TUSC3: variants seen among roughly 807,000 people sequenced by gnomAD.
TUSC3 encodes the protein dolichyl-diphosphooligosaccharide--protein glycosyltransferase subunit TUSC3.
TUSC3 carries 45 observed loss-of-function variants against 44.8 expected under a neutral mutation model. That is an observed-to-expected ratio of 1.00 (90% confidence interval 0.79 to 1.29). TUSC3 has a LOEUF of 1.29. Among genes scored for constraint, TUSC3 ranks in the 50% most tolerant of loss-of-function variants. The probability of loss-of-function intolerance (pLI) is 0.00; values close to 1 mark genes in which losing one functional copy is unlikely to be tolerated. For synonymous variants in TUSC3, 212 were observed against 152.9 expected, an observed-to-expected ratio of 1.39 and a Z score of -2.85; for missense variants, 519 against 437.9, an observed-to-expected ratio of 1.19 and a Z score of -1.65.
At chr8:15,443,183 T>C (rs1800042871) in intron 1 of TUSC3, among the ~76,000 whole-genome samples, 1 of 152,042 alleles carries the variant, frequency 6.6e-6, no homozygotes, top group Admixed American at 6.6e-5. Context: ...TTTCTTTTTT[T>C]TAGAAGGCAT....
chr8:15,835,030 A>G, the TUSC3 span, among the ~76,000 whole-genome samples: 1 of 152,276 alleles, frequency 6.6e-6, no homozygotes, highest in Admixed American at 6.5e-5. Context: ...GCTGGACTTT[A>G]TGTCTCATTT....
intron 7 of TUSC3, among the ~76,000 whole-genome samples, chr8:15,742,747 C>A (rs1451854421): frequency 1.3e-5 from 2 of 152,334 alleles, no homozygotes; most frequent in Admixed American, 6.5e-5. Flanking sequence ...GTCCATTAAT[C>A]GCTTGGGCGA....
intron 6 of TUSC3, among the ~76,000 whole-genome samples, chr8:15,714,019 G>C (rs539595909): frequency 6.6e-6 from 1 of 152,086 alleles, no homozygotes; most frequent in South Asian, 2.1e-4. Flanking sequence ...GTGAAAGTGC[G>C]CCTTGAAGGA....
chr8:15,835,632 A>G, the TUSC3 span, among the ~76,000 whole-genome samples: 1 of 152,148 alleles, frequency 6.6e-6, no homozygotes, highest in Non-Finnish European at 1.5e-5. Flanking sequence ...GTTTTAAATA[A>G]TTATAATTTA....
the TUSC3 span, among the ~76,000 whole-genome samples, chr8:15,789,944 G>A: frequency 6.6e-6 from 1 of 152,136 alleles, no homozygotes; most frequent in Non-Finnish European, 1.5e-5. Context: ...GTGAGCTGGT[G>A]GTGGTAGACA....
rs1325636987 is a variant in TUSC3 at position 15,578,435 on chromosome 8, G to T, written c.138+37867G>T. Among the ~76,000 whole-genome samples the T allele has an allele frequency of 1.7e-5, 2 of 118,414 alleles. 1 individual carries two copies. The highest frequency in any genetic ancestry group is 6.6e-4 in the South Asian group (2 of 3,020). The allele number at this position is 118,414 out of a possible 152,430, so 77.7% of individuals were successfully genotyped here. On this transcript the variant is annotated intron_variant, in intron 1 of 10. Transcript: ENST00000503731. ...CTTCCAGTTTTTGCCCATTCAGTAT[G>T]ATATTGGCTGTGGGTTTGTCATAGA...
intron 4 of TUSC3, among the ~76,000 whole-genome samples, chr8:15,660,981 A>G (rs931821821): frequency 5.3e-5 from 8 of 151,504 alleles, no homozygotes; most frequent in Non-Finnish European, 1.0e-4. Context: ...AACAGTACAA[A>G]TAATGCCAAT....
chr8:15,743,657 A>C lies in TUSC3; in HGVS notation c.937+45A>C, dbSNP rs1252978299. Reference sequence around the variant, plus strand: ...TTTTTGTAATTTCGTTTTAGTCTTAAGATTCATTTAAGTCAAATGGGAAAT... The same window carrying C: ...TTTTTGTAATTTCGTTTTAGTCTTACGATTCATTTAAGTCAAATGGGAAAT... On this transcript the variant is annotated intron_variant, in intron 8 of 10. Coordinates refer to ENST00000503731, the MANE Select transcript of TUSC3 (RefSeq NM_006765.4). The C allele has an allele frequency of 1.9e-6, 3 of 1,595,238 alleles. No homozygotes were observed. In the South Asian group the frequency reaches 3.3e-5, roughly 18 times the overall value.
At chr8:15,725,972 TA>T (rs1338805455) in intron 6 of TUSC3, among the ~76,000 whole-genome samples, 1 of 152,196 alleles carries the variant, frequency 6.6e-6, no homozygotes, top group East Asian at 1.9e-4. Flanking sequence ...AACTGACTTC[TA>T]AGTTTAGTTT....
At chr8:15,500,156 C>G (rs1229853916) in intron 2 of TUSC3, among the ~76,000 whole-genome samples, 1 of 152,180 alleles carries the variant, frequency 6.6e-6, no homozygotes, top group African/African-American at 2.4e-5. Context: ...GCAAAAGCAG[C>G]TAGAGTCTTT....
At chr8:15,573,403 G>C (rs1206021692) in intron 1 of TUSC3, among the ~76,000 whole-genome samples, 2 of 151,628 alleles carry the variant, frequency 1.3e-5, no homozygotes, top group Middle Eastern at 3.2e-3. Flanking sequence ...ACACAATAGC[G>C]TGGCGGTGGG....
intron 2 of TUSC3, among the ~76,000 whole-genome samples, chr8:15,512,947 T>TATATATATATATATAATC (rs1801162509): frequency 7.0e-6 from 1 of 143,194 alleles, no homozygotes; most frequent in African/African-American, 2.6e-5. Context: ...TATATATATA[T>TATATATATATATATAATC]ATATATATAT....
chr8:15,790,478 C>A, the TUSC3 span, among the ~76,000 whole-genome samples: 4 of 151,992 alleles, frequency 2.6e-5, no homozygotes, highest in South Asian at 8.3e-4. Context: ...CCACCATGCC[C>A]GGCCTCACCA....
At chr8:15,505,293 CA>C (rs1486820021) in intron 2 of TUSC3, among the ~76,000 whole-genome samples, 1 of 152,074 alleles carries the variant, frequency 6.6e-6, no homozygotes, top group Admixed American at 6.5e-5. Context: ...TGTCAATTGT[CA>C]AAAAGAAAAA....
chr8:15,833,718 A>G, the TUSC3 span, among the ~76,000 whole-genome samples: 1 of 152,140 alleles, frequency 6.6e-6, no homozygotes, highest in Non-Finnish European at 1.5e-5. Flanking sequence ...AGAAATGACC[A>G]CAGAAAATAA....
chr8:15,651,073 A>G (rs1431580959), intron 3 of TUSC3: 2 of 410,234 alleles, frequency 4.9e-6, no homozygotes, highest in Non-Finnish European at 8.9e-6. Flanking sequence ...GTTATAATAC[A>G]TTTTGTGATG....
intron 2 of TUSC3, among the ~76,000 whole-genome samples, chr8:15,499,407 A>C (rs867577786): frequency 2.0e-5 from 3 of 152,208 alleles, no homozygotes; most frequent in Non-Finnish European, 2.9e-5. Context: ...AGAAAATTCT[A>C]TCATATCCAT....
At chr8:15,587,875 A>G (rs573467838) in intron 1 of TUSC3, among the ~76,000 whole-genome samples, 2 of 152,246 alleles carry the variant, frequency 1.3e-5, no homozygotes, top group Admixed American at 1.3e-4. Flanking sequence ...GGGCTCATCC[A>G]TATTGCTTCT....
At position 15,547,873 on chromosome 8, in the gene TUSC3, C is replaced by G. The variant is rs140429590; in HGVS notation, c.138+7305C>G. On this transcript the variant is annotated intron_variant, in intron 1 of 10. Coordinates refer to ENST00000503731, the MANE Select transcript of TUSC3 (RefSeq NM_006765.4). ...TTATTTTTCACTTTCAAATATCAAA[C>G]TTGGTAGGTATCTTTACACGATTAA... 2.2e-3 allele frequency among the ~76,000 whole-genome samples: 330 copies of G among 151,830 alleles called. 11 individuals carry two copies. The highest frequency in any genetic ancestry group is 5.0e-3 in the South Asian group (24 of 4,784).
Sources: gnomAD v4.1 joint callset for allele counts (sites outside exome capture counted in the v4.1 genomes callset) on GRCh38, gnomAD v4.1.1 for gene constraint, MANE v1.5 for transcripts, NCBI Gene and HGNC (gene_info 2026-07-23, HGNC 2026-07-21) for gene names.